Variants in U2AF2 observed in about 807,000 individuals in gnomAD.
U2AF2 encodes the protein U2 small nuclear RNA auxiliary factor 2.
In U2AF2, 6 loss-of-function variants were observed where a neutral mutation model predicts 52.6. That is an observed-to-expected ratio of 0.11 (90% CI 0.06 to 0.23). The LOEUF is 0.23. U2AF2 is among the 10% of genes least tolerant of loss of function. U2AF2 has a pLI of 1.00. For missense variants in U2AF2, 222 were observed against 677.1 expected (o/e 0.33, Z 7.46); for synonymous variants, 284 against 258.2 (o/e 1.10, Z -0.96).
chr19:55,656,420 G>A (rs1983799398), intron 1 of U2AF2, among the ~76,000 whole-genome samples: 1 of 152,204 alleles, frequency 6.6e-6, no homozygotes, highest in South Asian at 2.1e-4. Context: ...AAGAGCATAG[G>A]CTTTGGAGTT....
At chr19:55,669,788 T>G (rs1984770473) in intron 11 of U2AF2, 96 bp downstream of exon 11, 3 of 1,447,722 alleles carry the variant, frequency 2.1e-6, no homozygotes, top group Non-Finnish European at 2.7e-6. Flanking sequence ...CCTCTCCCCC[T>G]CCTCTTCTCC....
chr19:55,668,833 C>T lies in U2AF2; in HGVS notation c.945+41C>T. 2.5e-6 allele frequency: 4 copies of T among 1,591,216 alleles called. No individual in the cohort carries two copies. Among genetic ancestry groups the T allele is most frequent in the Non-Finnish European group, 3.4e-6 (4 of 1,165,716 alleles). On this transcript the variant is annotated intron_variant, in intron 9 of 11. Transcript: ENST00000308924. The surrounding 1 kb of genome is among the most constrained non-coding windows in gnomAD (Gnocchi z 5.5). ...CTGGCCGCTGCCGCGTCTGTCCTTCCCTGCCCTGCGCTGTTGCCAAGCCAT... is the reference window on the plus strand; with the variant it reads ...CTGGCCGCTGCCGCGTCTGTCCTTCTCTGCCCTGCGCTGTTGCCAAGCCAT...
rs935330497 is a variant in U2AF2 at position 55,659,795 on chromosome 19, C to A, written c.186-382C>A. On this transcript the variant is annotated intron_variant, in intron 2 of 11. Transcript: ENST00000308924. ...GAGCTCTTGGGACCGAGGCAGTATC[C>A]ACAGCCTGGGCTGACTTTTTGGCCC... Among the ~76,000 whole-genome samples the A allele has an allele frequency of 2.0e-5, 3 of 152,238 alleles. No homozygotes were observed. The East Asian group carries it at 5.8e-4, about 30-fold the overall frequency.
Position 55,655,060 on chromosome 19 carries a change from A to G in U2AF2, c.-45A>G, listed in dbSNP as rs749661794. 1.9e-6 allele frequency: 3 copies of G among 1,602,410 alleles called. No individual in the cohort carries two copies. Among genetic ancestry groups the G allele is most frequent in the African/African-American group, 2.7e-5 (2 of 73,480 alleles). ...AGCCGAAGCGGCTGGAGCGGGCGGCAAGGCGAGGCGAAAGCTGCACAGGGC... is the reference window on the plus strand; with the variant it reads ...AGCCGAAGCGGCTGGAGCGGGCGGCGAGGCGAGGCGAAAGCTGCACAGGGC... On this transcript the variant is annotated 5_prime_UTR_variant, in exon 1 of 12. Coordinates refer to ENST00000308924, the MANE Select transcript of U2AF2 (RefSeq NM_007279.3).
intron 7 of U2AF2, among the ~76,000 whole-genome samples, chr19:55,665,648 T>C (rs1332314159): frequency 3.3e-5 from 5 of 152,106 alleles, no homozygotes; most frequent in African/African-American, 9.7e-5. Context: ...CTGTTTTTTG[T>C]TTTTTTGTTG....
intron 11 of U2AF2, among the ~76,000 whole-genome samples, chr19:55,671,066 T>A (rs2122127086): frequency 6.6e-6 from 1 of 152,254 alleles, no homozygotes; most frequent in East Asian, 1.9e-4. Context: ...GCAGCTCGGC[T>A]TTCCCCTGGA....
chr19:55,662,249 C>T lies in U2AF2; in HGVS notation c.487-253C>T, dbSNP rs941840066. 1.2e-5 allele frequency: 5 copies of T among 411,274 alleles called. No homozygotes were observed. The South Asian group carries it at 1.9e-4, about 15-fold the overall frequency. The allele number at this position is 411,274 out of a possible 1,614,324, so 25.5% of individuals were successfully genotyped here. The stretch of plus-strand genomic sequence containing the variant: ...TTTTTTGGGGCCCCTGTGGCTGTCC[C>T]CCAACGCCTGTCCATCGCCTGCCCT... On this transcript the variant is annotated intron_variant, in intron 5 of 11. Transcript: ENST00000308924.
chr19:55,657,916 G>C (rs1983899474), intron 1 of U2AF2, among the ~76,000 whole-genome samples: 1 of 152,170 alleles, frequency 6.6e-6, no homozygotes, highest in African/African-American at 2.4e-5. Context: ...CGAAGCAGTA[G>C]TGAGGATTAA....
At chr19:55,661,954 T>G (rs1984232889) in intron 5 of U2AF2, 2 of 150,652 alleles carry the variant, frequency 1.3e-5, no homozygotes, top group African/African-American at 5.0e-5. Flanking sequence ...TCCCTGCCCC[T>G]CCTCCCTACA....
At chr19:55,671,486 C>T (rs1191091955) in intron 11 of U2AF2, 1 of 152,164 alleles carries the variant, frequency 6.6e-6, no homozygotes, top group Non-Finnish European at 1.5e-5. Context: ...TCTGTGTTCC[C>T]AGCATGAGGG....
At chr19:55,671,385 C>T (rs907443582) in intron 11 of U2AF2, 3 of 113,892 alleles carry the variant, frequency 2.6e-5, no homozygotes, top group African/African-American at 1.2e-4. Flanking sequence ...AGCACCTTGT[C>T]GGGGGTGAGC....
In U2AF2 at chr19:55,673,987, G is replaced by A. The variant is rs1207902544; in HGVS notation, c.1347G>A (p.Leu449=). Residue 449 remains leucine, a synonymous_variant, in exon 12 of 12, where the codon CTG becomes CTA. Transcript: ENST00000308924. ...ACTGCCAGAAAGCCATGCAGGGCCT[G>A]ACGGGCCGCAAGTTCGCCAACAGAG... is the stretch of plus-strand genomic sequence containing the variant. ...VFDCQKAMQG[L]TGRKFANRVV... The A allele has an allele frequency of 1.2e-6, 2 of 1,614,008 alleles. No individual in the cohort carries two copies. Among genetic ancestry groups the A allele is most frequent in the Middle Eastern group, 3.3e-4 (2 of 6,062 alleles).
Position 55,655,186 on chromosome 19 carries a change from G to A in U2AF2, c.49+33G>A, listed in dbSNP as rs1355977572. On this transcript the variant is annotated intron_variant, in intron 1 of 11. Coordinates refer to ENST00000308924, the MANE Select transcript of U2AF2 (RefSeq NM_007279.3). ...CACCGGGGTCGCGGGGCGGAGGTGT[G>A]GGCGGCTCCTCGCGTCGCTCTTTGC... The A allele has an allele frequency of 1.9e-6, 3 of 1,591,836 alleles. No homozygotes were observed. The South Asian group carries it at 3.3e-5, about 18-fold the overall frequency.
intron 7 of U2AF2, among the ~76,000 whole-genome samples, chr19:55,666,533 T>C (rs1034577807): frequency 6.6e-6 from 1 of 152,242 alleles, no homozygotes; most frequent in Admixed American, 6.5e-5. Flanking sequence ...GCATTGAGTC[T>C]GGCAGATGCC....
chr19:55,665,526 G>A (rs1039420705), intron 7 of U2AF2, among the ~76,000 whole-genome samples: 5 of 141,868 alleles, frequency 3.5e-5, no homozygotes, highest in Non-Finnish European at 7.7e-5. Context: ...CTCCATGGAC[G>A]GCAGTTCTAC....
intron 4 of U2AF2, 31 bp downstream of exon 4, chr19:55,660,650 G>A (rs757909507): frequency 1.2e-5 from 19 of 1,598,106 alleles, no homozygotes; most frequent in African/African-American, 4.0e-5. Flanking sequence ...CTCCCAGAGC[G>A]GGAGGGTACA....
intron 1 of U2AF2, among the ~76,000 whole-genome samples, chr19:55,657,997 C>A (rs576046949): frequency 6.6e-5 from 10 of 152,078 alleles, no homozygotes; most frequent in African/African-American, 2.2e-4. Context: ...TGTTTTTTTC[C>A]CTGCTGGGTG....
At chr19:55,669,232 C>A in intron 10 of U2AF2, 51 bp downstream of exon 10, 1 of 1,598,628 alleles carries the variant, frequency 6.3e-7, no homozygotes, top group Non-Finnish European at 8.5e-7. Flanking sequence ...GAGGGGCTGG[C>A]TAGTAGGGGA....
chr19:55,662,011 G>C (rs79546472), intron 5 of U2AF2: 4,772 of 154,718 alleles, frequency 0.031, 82 homozygotes, highest in South Asian at 0.047. Context: ...CTCCTCGCTC[G>C]TCTCTGTCCT....
Sources: allele counts gnomAD v4.1 joint callset (sites outside exome capture counted in the v4.1 genomes callset), GRCh38; gene constraint gnomAD v4.1.1; non-coding constraint Gnocchi (gnomAD v3.1); transcripts MANE v1.5; gene names NCBI Gene and HGNC (gene_info 2026-07-23, HGNC 2026-07-21).